The following TRABD2A variants were observed in gnomAD, a reference collection of about 807,000 sequenced individuals.
The protein encoded by TRABD2A is metalloprotease TIKI1.
Under a neutral mutation model 45.6 loss-of-function variants are expected in TRABD2A, and 43 were observed. The ratio of observed to expected loss-of-function variants is 0.94; its 90% CI spans 0.74 to 1.22. The LOEUF is 1.22. Among genes scored for constraint, TRABD2A ranks in the 50% most tolerant of loss-of-function variants. TRABD2A has a pLI of 0.00. For missense variants in TRABD2A, 642 were observed against 652.4 expected, an observed-to-expected ratio of 0.98 and a Z score of 0.17; for synonymous variants, 269 against 265.0, an observed-to-expected ratio of 1.02 and a Z score of -0.15.
At chr2:84,834,962 A>T (rs1681452615) in intron 4 of TRABD2A, 1 of 152,224 alleles carries the variant, frequency 6.6e-6, no homozygotes, top group Non-Finnish European at 1.5e-5. Context: ...AAAAACTGCT[A>T]AACAGTTTTC....
chr2:84,862,615 G>A (rs1454119656), intron 2 of TRABD2A, among the ~76,000 whole-genome samples: 1 of 152,022 alleles, frequency 6.6e-6, no homozygotes. Context: ...ACCTATTCTT[G>A]GTTTTTTTTA....
intron 5 of TRABD2A, among the ~76,000 whole-genome samples, chr2:84,824,545 G>A (rs1433844850): frequency 3.3e-5 from 4 of 121,722 alleles, no homozygotes; most frequent in Non-Finnish European, 6.5e-5. Context: ...GACAATTATA[G>A]CTTTTTTTTT....
In TRABD2A at chr2:84,822,115, G is replaced by C; in HGVS notation, c.1335-15C>G. On this transcript the variant is annotated splice_polypyrimidine_tract_variant and intron_variant, in intron 6 of 6. Transcript: ENST00000409520. Reference sequence around the variant, plus strand: ...GGACTATGTCACTAGGAGGCAAAGAGAAAGACAGAGTCTGAAGTCACAGCA... The same window carrying C: ...GGACTATGTCACTAGGAGGCAAAGACAAAGACAGAGTCTGAAGTCACAGCA... 6.5e-7 allele frequency: 1 copy of C among 1,538,274 alleles called. No homozygotes were observed. The highest frequency in any genetic ancestry group is 2.4e-5 in the East Asian group (1 of 41,710).
chr2:84,823,824 G>C (rs1681063832), intron 6 of TRABD2A, 129 bp downstream of exon 6: 2 of 1,306,528 alleles, frequency 1.5e-6, no homozygotes, highest in East Asian at 5.0e-5. Flanking sequence ...AAGGGTGCCT[G>C]GGGTCATGAG....
chr2:84,864,259 T>C (rs1045888393), intron 2 of TRABD2A, among the ~76,000 whole-genome samples: 3 of 152,188 alleles, frequency 2.0e-5, no homozygotes, highest in Non-Finnish European at 2.9e-5. Flanking sequence ...ACACAAGGGA[T>C]TGAGGCCCTT....
intron 2 of TRABD2A, among the ~76,000 whole-genome samples, chr2:84,867,298 C>T (rs1445551338): frequency 6.6e-6 from 1 of 152,178 alleles, no homozygotes; most frequent in Non-Finnish European, 1.5e-5. Flanking sequence ...ATAAAATCAA[C>T]ATGACACTGT....
Position 84,839,934 on chromosome 2 carries a change from T to C in TRABD2A, c.817-611A>G, listed in dbSNP as rs1243225146. On this transcript the variant is annotated intron_variant, in intron 3 of 6. Coordinates refer to ENST00000409520, the MANE Select transcript of TRABD2A (RefSeq NM_001277053.2). The stretch of plus-strand genomic sequence containing the variant: ...TGAAAGTGCATCAAAATTGTGACAA[T>C]CAGCGTGGTTCTTGCAGCCCAGGAG... Among the ~76,000 whole-genome samples, 6 of 152,174 alleles carry C rather than the reference T, an allele frequency of 3.9e-5. 1 individual carries two copies. Among genetic ancestry groups the C allele is most frequent in the Admixed American group, 3.9e-4 (6 of 15,272 alleles).
chr2:84,829,566 C>T (rs1474660385), intron 5 of TRABD2A, among the ~76,000 whole-genome samples: 1 of 149,500 alleles, frequency 6.7e-6, no homozygotes, highest in African/African-American at 2.5e-5. Context: ...ATACCATACA[C>T]ACCACACGTA....
intron 5 of TRABD2A, 42 bp from the exon 6 acceptor site, chr2:84,824,246 C>T (rs1323133149): frequency 1.9e-6 from 3 of 1,609,318 alleles, no homozygotes; most frequent in East Asian, 4.5e-5. Context: ...AGGAGGGTCA[C>T]ACAGCATGGC....
At chr2:84,870,091 C>G in intron 2 of TRABD2A, 134 bp downstream of exon 2, 1 of 919,412 alleles carries the variant, frequency 1.1e-6, no homozygotes, top group Non-Finnish European at 1.6e-6. Flanking sequence ...TTTTTTTAAC[C>G]CCCGGAAAAG....
chr2:84,862,868 C>A (rs1018831230), intron 2 of TRABD2A, among the ~76,000 whole-genome samples: 1 of 149,052 alleles, frequency 6.7e-6, no homozygotes, highest in Non-Finnish European at 1.5e-5. Flanking sequence ...TCACAGCCAG[C>A]CATTCAGGTA....
intron 1 of TRABD2A, chr2:84,879,507 G>A (rs1683133640): frequency 1.3e-6 from 1 of 755,716 alleles, no homozygotes; most frequent in African/African-American, 1.9e-5. Flanking sequence ...GTAACGTAAA[G>A]GAGTCCTGAG....
chr2:84,861,727 C>T (rs185380558), intron 2 of TRABD2A, among the ~76,000 whole-genome samples: 5 of 152,276 alleles, frequency 3.3e-5, no homozygotes, highest in East Asian at 1.9e-4. Context: ...GTCCTTTCCC[C>T]GAAAGTCAGG....
chr2:84,837,318 A>G (rs776127279), intron 4 of TRABD2A: 5 of 152,208 alleles, frequency 3.3e-5, no homozygotes, highest in Non-Finnish European at 7.3e-5. Flanking sequence ...GAACATATTT[A>G]TAATAACTAG....
At chr2:84,823,845 G>C in intron 6 of TRABD2A, 108 bp downstream of exon 6, 12 of 1,459,292 alleles carry the variant, frequency 8.2e-6, no homozygotes, top group Non-Finnish European at 1.1e-5. Flanking sequence ...GAAAGGGAAA[G>C]GTTGCTCCAT....
At chr2:84,880,748 CGCGGGAAAG>C (rs975610382) in intron 1 of TRABD2A, among the ~76,000 whole-genome samples, 175 bp downstream of exon 1, 8 of 152,198 alleles carry the variant, frequency 5.3e-5, no homozygotes, top group Non-Finnish European at 7.4e-5. Flanking sequence ...GCTGCGCCCC[CGCGGGAAAG>C]GGGAACCCGA....
intron 2 of TRABD2A, among the ~76,000 whole-genome samples, chr2:84,846,446 G>T (rs1474540109): frequency 6.6e-6 from 1 of 152,170 alleles, no homozygotes; most frequent in Non-Finnish European, 1.5e-5. Flanking sequence ...AAGATCAAGA[G>T]ATACAGTGCC....
chr2:84,825,223 T>G (rs1466423632), intron 5 of TRABD2A, among the ~76,000 whole-genome samples: 1 of 152,142 alleles, frequency 6.6e-6, no homozygotes, highest in Non-Finnish European at 1.5e-5. Flanking sequence ...GACCAGCACA[T>G]GTAAGAACTC....
At chr2:84,864,120 G>T (rs1036546821) in intron 2 of TRABD2A, among the ~76,000 whole-genome samples, 2 of 151,922 alleles carry the variant, frequency 1.3e-5, no homozygotes, top group Non-Finnish European at 2.9e-5. Flanking sequence ...ATTCAGTGTA[G>T]GTGCACCTGA....
Sources: allele counts gnomAD v4.1 joint callset (sites outside exome capture counted in the v4.1 genomes callset), GRCh38; gene constraint gnomAD v4.1.1; transcripts MANE v1.5; gene names NCBI Gene and HGNC (gene_info 2026-07-23, HGNC 2026-07-21).